Variants in KIT observed in about 807,000 individuals in gnomAD.
KIT encodes the protein KIT proto-oncogene, receptor tyrosine kinase.
KIT carries 16 observed loss-of-function variants against 105.7 expected under a neutral mutation model. The observed-to-expected ratio is 0.15, with a 90% CI of 0.10 to 0.23. KIT has a LOEUF of 0.23. KIT is among the 10% of genes least tolerant of loss of function. The pLI is 1.00. For synonymous variants in KIT, 438 were observed against 441.1 expected, an observed-to-expected ratio of 0.99 and a Z score of 0.09; for missense variants, 858 against 1,213.8, an observed-to-expected ratio of 0.71 and a Z score of 4.36.
At position 54,700,455 on chromosome 4, in the gene KIT, T is replaced by C. The variant is rs189175710; in HGVS notation, c.756+689T>C. ...TGGGTTAGGCATATCTTAAATAAATTTTAGCTAGTTACTGAAATTTTATCC... is the reference window on the plus strand; with the variant it reads ...TGGGTTAGGCATATCTTAAATAAATCTTAGCTAGTTACTGAAATTTTATCC... On this transcript the variant is annotated intron_variant, in intron 4 of 20. Transcript: ENST00000288135. Among the ~76,000 whole-genome samples, 132 of 152,320 alleles carry C rather than the reference T, an allele frequency of 8.7e-4. 1 individual carries two copies. Among genetic ancestry groups the C allele is most frequent in the Non-Finnish European group, 1.2e-3 (85 of 68,034 alleles).
At chr4:54,701,182 G>A (rs1196860313) in intron 4 of KIT, among the ~76,000 whole-genome samples, 8 of 152,212 alleles carry the variant, frequency 5.3e-5, no homozygotes, top group Non-Finnish European at 1.5e-5. Flanking sequence ...TGGTAGATAA[G>A]CCTTCAGTGT....
At chr4:54,658,152 C>T in intron 1 of KIT, 71 bp downstream of exon 1, 1 of 1,461,006 alleles carries the variant, frequency 6.8e-7, no homozygotes, top group Non-Finnish European at 9.6e-7. Flanking sequence ...GGGTGGTACC[C>T]GCCAGGGTGC....
At chr4:54,700,481 C>T (rs1720388376) in intron 4 of KIT, among the ~76,000 whole-genome samples, 1 of 152,132 alleles carries the variant, frequency 6.6e-6, no homozygotes, top group African/African-American at 2.4e-5. Flanking sequence ...AATTTTATCC[C>T]TACTAAAAGA....
chr4:54,731,225 A>G, intron 14 of KIT, 103 bp from the exon 15 acceptor site: 2 of 810,378 alleles, frequency 2.5e-6, no homozygotes, highest in Non-Finnish European at 2.2e-6. Context: ...AAATTGGTCC[A>G]GTCTATTATG....
chr4:54,728,843 A>G (rs1002525493), intron 13 of KIT, among the ~76,000 whole-genome samples: 4 of 152,216 alleles, frequency 2.6e-5, no homozygotes, highest in African/African-American at 9.6e-5. Context: ...TTCAACTAGT[A>G]GCGCTCAGAA....
chr4:54,661,296 C>T (rs1717251396), intron 1 of KIT, among the ~76,000 whole-genome samples: 1 of 152,172 alleles, frequency 6.6e-6, no homozygotes, highest in African/African-American at 2.4e-5. Context: ...AAATTCTCAT[C>T]AGAAATGTGC....
chr4:54,687,838 C>A (rs1719427580), intron 1 of KIT, among the ~76,000 whole-genome samples: 1 of 152,166 alleles, frequency 6.6e-6, no homozygotes, highest in Non-Finnish European at 1.5e-5. Flanking sequence ...TCCTTCTGGG[C>A]AGCACAGGCC....
intron 16 of KIT, among the ~76,000 whole-genome samples, 171 bp from the exon 17 acceptor site, chr4:54,732,899 C>T (rs531116094): frequency 6.6e-6 from 1 of 152,258 alleles, no homozygotes; most frequent in African/African-American, 2.4e-5. Context: ...ATTATGTGAA[C>T]ATCATTCAAG....
chr4:54,683,589 C>T (rs756934989), intron 1 of KIT, among the ~76,000 whole-genome samples: 1 of 152,182 alleles, frequency 6.6e-6, no homozygotes, highest in African/African-American at 2.4e-5. Flanking sequence ...ATTTAACAGA[C>T]ACCAAACATT....
At chr4:54,695,964 G>A (rs1269590835) in intron 2 of KIT, 183 bp downstream of exon 2, 1 of 685,314 alleles carries the variant, frequency 1.5e-6, no homozygotes, top group Non-Finnish European at 2.5e-6. Flanking sequence ...GTGGCTTTGG[G>A]TATGGCCCCA....
rs1412804442 is a variant in KIT at position 54,739,882 on chromosome 4, A to C, written c.*1325A>C. 1 of 233,386 alleles carries C rather than the reference A, an allele frequency of 4.3e-6. No homozygotes were observed. Among genetic ancestry groups the C allele is most frequent in the Admixed American group, 5.6e-5 (1 of 17,774 alleles). 14.5% of individuals were successfully genotyped at this position (233,386 alleles called of 1,614,324 possible). On this transcript the variant is annotated 3_prime_UTR_variant, in exon 21 of 21. Coordinates refer to ENST00000288135, the MANE Select transcript of KIT (RefSeq NM_000222.3). ...CCCTATGTATTTGCAGTTCACCTGC[A>C]CTTAAGGCACTCTGTTATTTAGACT...
At chr4:54,707,436 A>G in intron 6 of KIT, 149 bp downstream of exon 6, 1 of 659,976 alleles carries the variant, frequency 1.5e-6, no homozygotes. Flanking sequence ...TCATCCTAGT[A>G]TTCCATTTTG....
intron 1 of KIT, among the ~76,000 whole-genome samples, chr4:54,678,649 A>G (rs911501422): frequency 6.6e-6 from 1 of 152,140 alleles, no homozygotes; most frequent in Non-Finnish European, 1.5e-5. Context: ...ACCTGTTTTC[A>G]TAATATTCCT....
At chr4:54,724,048 T>A (rs1198858621) in intron 8 of KIT, among the ~76,000 whole-genome samples, 1 of 152,184 alleles carries the variant, frequency 6.6e-6, no homozygotes, top group Non-Finnish European at 1.5e-5. Context: ...GTGACTGTAG[T>A]TATCATGAAA....
intron 7 of KIT, 22 bp from the exon 8 acceptor site, chr4:54,723,561 TG>T (rs2109760150): frequency 6.7e-7 from 1 of 1,495,286 alleles, no homozygotes; most frequent in Non-Finnish European, 9.3e-7. Context: ...CTCTGACATA[TG>T]GCCATTTCTG....
chr4:54,660,659 T>C (rs527253233), intron 1 of KIT, among the ~76,000 whole-genome samples: 4 of 152,264 alleles, frequency 2.6e-5, no homozygotes, highest in African/African-American at 9.6e-5. Context: ...TACCTATTTC[T>C]AGTAGTCTCA....
At chr4:54,661,499 C>G (rs1207233156) in intron 1 of KIT, among the ~76,000 whole-genome samples, 1 of 152,192 alleles carries the variant, frequency 6.6e-6, no homozygotes, top group African/African-American at 2.4e-5. Flanking sequence ...ATTCTCAGAG[C>G]TGGCCTGCAG....
intron 7 of KIT, among the ~76,000 whole-genome samples, chr4:54,720,211 C>T (rs1489016315): frequency 2.0e-5 from 3 of 151,932 alleles, no homozygotes; most frequent in African/African-American, 7.3e-5. Flanking sequence ...TGCATTTATT[C>T]TCTTCCCTTA....
Position 54,714,313 on chromosome 4 carries a change from A to G in KIT, c.1231+4774A>G, listed in dbSNP as rs147450154. On this transcript the variant is annotated intron_variant, in intron 7 of 20. Transcript: ENST00000288135. ...CAAGATGCTATGGGTAGCTTATGCTACTTATTTAGGAACTGATGGCCTCTT... is the reference window on the plus strand; with the variant it reads ...CAAGATGCTATGGGTAGCTTATGCTGCTTATTTAGGAACTGATGGCCTCTT... Among the ~76,000 whole-genome samples the G allele has an allele frequency of 4.7e-3, 717 of 152,302 alleles. 4 individuals carry two copies. Among genetic ancestry groups the G allele is most frequent in the Non-Finnish European group, 7.2e-3 (488 of 68,024 alleles).
Sources: gnomAD v4.1 joint callset for allele counts (sites outside exome capture counted in the v4.1 genomes callset) on GRCh38, gnomAD v4.1.1 for gene constraint, MANE v1.5 for transcripts, NCBI Gene and HGNC (gene_info 2026-07-23, HGNC 2026-07-21) for gene names.